AP2B1: variants seen among roughly 807,000 people sequenced by gnomAD.
The protein encoded by AP2B1 is AP-2 complex subunit beta.
AP2B1 carries 23 observed loss-of-function variants against 102.0 expected under a neutral mutation model. That is an observed-to-expected ratio of 0.23 (90% confidence interval 0.16 to 0.32). AP2B1 has a LOEUF of 0.32. Among genes scored for constraint, AP2B1 ranks in the 10% least tolerant of loss-of-function variants. AP2B1 has a pLI of 1.00. For synonymous variants in AP2B1, 381 were observed against 421.2 expected (o/e 0.90, Z 1.17); for missense variants, 541 against 1,157.4 (o/e 0.47, Z 7.73).
At chr17:35,598,761 A>G (rs2073377291) in intron 3 of AP2B1, among the ~76,000 whole-genome samples, 1 of 152,248 alleles carries the variant, frequency 6.6e-6, no homozygotes, top group Admixed American at 6.5e-5. Flanking sequence ...ATGAAAATCA[A>G]TGTTAACCAA....
At chr17:35,614,785 C>T (rs1365447110) in intron 5 of AP2B1, among the ~76,000 whole-genome samples, 1 of 151,864 alleles carries the variant, frequency 6.6e-6, no homozygotes, top group African/African-American at 2.4e-5. Context: ...AAACTTCCAG[C>T]TTCTTTTAAT....
intron 2 of AP2B1, among the ~76,000 whole-genome samples, chr17:35,595,477 G>A (rs1178768244): frequency 6.6e-6 from 1 of 152,096 alleles, no homozygotes; most frequent in Non-Finnish European, 1.5e-5. Context: ...AGTGCAGGAG[G>A]TTGAGGCTGC....
At chr17:35,627,230 T>A (rs1301667277) in intron 7 of AP2B1, among the ~76,000 whole-genome samples, 155 bp from the exon 8 acceptor site, 2 of 138,404 alleles carry the variant, frequency 1.4e-5, no homozygotes, top group African/African-American at 5.5e-5. Flanking sequence ...TAGAGGCGTA[T>A]AGAGGAAGTT....
chr17:35,654,618 GT>G (rs1325293064), intron 13 of AP2B1, among the ~76,000 whole-genome samples: 12 of 152,090 alleles, frequency 7.9e-5, no homozygotes, highest in Non-Finnish European at 1.5e-4. Context: ...AAATTACAAT[GT>G]TATCAAGCCT....
At chr17:35,648,400 C>G (rs2074995991) in intron 12 of AP2B1, among the ~76,000 whole-genome samples, 1 of 152,002 alleles carries the variant, frequency 6.6e-6, no homozygotes. Flanking sequence ...CCAATAATCC[C>G]AGCTACTTGG....
chr17:35,711,645 A>G (rs1555587575), intron 20 of AP2B1, among the ~76,000 whole-genome samples: 2 of 151,894 alleles, frequency 1.3e-5, no homozygotes, highest in African/African-American at 4.8e-5. Flanking sequence ...ATTTTTTTGT[A>G]TTTTTTTAAT....
intron 18 of AP2B1, among the ~76,000 whole-genome samples, chr17:35,696,829 A>G (rs1016013839): frequency 2.0e-5 from 3 of 152,196 alleles, no homozygotes; most frequent in African/African-American, 7.2e-5. Flanking sequence ...CTCTCCTACT[A>G]GAATGCAAAT....
intron 11 of AP2B1, 49 bp downstream of exon 11, chr17:35,639,809 G>A: frequency 6.5e-7 from 1 of 1,542,418 alleles, no homozygotes; most frequent in Non-Finnish European, 8.8e-7. Context: ...TGTCTTTGGG[G>A]AGATTTCAGA....
Position 35,627,525 on chromosome 17 carries a change from CAAGTT to C in AP2B1, c.1059+21_1059+25del. 1.9e-6 allele frequency: 3 copies of C among 1,613,890 alleles called. No homozygotes were observed. Among genetic ancestry groups the C allele is most frequent in the Non-Finnish European group, 2.5e-6 (3 of 1,179,908 alleles). On this transcript the variant is annotated intron_variant, in intron 8 of 21. Transcript: ENST00000610402. ...GCTCAGGTCAGACTTTATGCAGACT[CAAGTT>C]GATGATGATTTAGCTCTTAAGGTCT...
intron 5 of AP2B1, among the ~76,000 whole-genome samples, chr17:35,612,497 A>G (rs1235685767): frequency 2.0e-5 from 3 of 152,150 alleles, no homozygotes; most frequent in Non-Finnish European, 2.9e-5. Context: ...TGTATTCCCT[A>G]CTTATTACCT....
At chr17:35,688,820 C>G in intron 18 of AP2B1, among the ~76,000 whole-genome samples, 1 of 151,952 alleles carries the variant, frequency 6.6e-6, no homozygotes, top group Non-Finnish European at 1.5e-5. Flanking sequence ...AAAAATTAGC[C>G]AGGCATGGTG....
At chr17:35,703,514 A>T (rs587770963) in intron 18 of AP2B1, among the ~76,000 whole-genome samples, 10 of 152,282 alleles carry the variant, frequency 6.6e-5, no homozygotes, top group African/African-American at 2.4e-4. Flanking sequence ...AAAGAATGAG[A>T]TCATGTCCTT....
intron 17 of AP2B1, among the ~76,000 whole-genome samples, chr17:35,678,377 A>AT (rs2075746932): frequency 6.6e-6 from 1 of 151,832 alleles, no homozygotes; most frequent in Non-Finnish European, 1.5e-5. Context: ...TATGCCTTTT[A>AT]TTTTTTCTTC....
chr17:35,677,765 T>C (rs548600750), intron 17 of AP2B1, among the ~76,000 whole-genome samples: 1 of 152,298 alleles, frequency 6.6e-6, no homozygotes, highest in South Asian at 2.1e-4. Context: ...TTTAGGTCTT[T>C]AATTTCTTTT....
In AP2B1 at chr17:35,669,158, T is replaced by C. The variant is rs1024943515; in HGVS notation, c.1990-1699T>C. 8.3e-3 allele frequency among the ~76,000 whole-genome samples: 972 copies of C among 117,694 alleles called. 11 individuals carry two copies. Among genetic ancestry groups the C allele is most frequent in the African/African-American group, 0.03 (911 of 30,090 alleles). 77.2% of individuals were successfully genotyped at this position (117,694 alleles called of 152,430 possible). A position where few individuals can be genotyped will look rare whatever the true frequency, so the allele number is the denominator to read the frequency against. On this transcript the variant is annotated intron_variant, in intron 14 of 21. Transcript: ENST00000610402. Reference sequence around the variant, plus strand: ...TGGGGATGCCTTTTTTTTTTTTTTTTCCGAGATGGAGTCTTGCTCTTGTTG... The same window carrying C: ...TGGGGATGCCTTTTTTTTTTTTTTTCCCGAGATGGAGTCTTGCTCTTGTTG...
In AP2B1 at chr17:35,723,818, G is replaced by A; in HGVS notation, c.*119G>A. On this transcript the variant is annotated 3_prime_UTR_variant, in exon 22 of 22. Transcript: ENST00000610402. ...CACACTGAGGCCACCTAGCAAGGTAGTAACTAGTCTAACCTGTGCTAACAT... is the reference window on the plus strand; with the variant it reads ...CACACTGAGGCCACCTAGCAAGGTAATAACTAGTCTAACCTGTGCTAACAT... The A allele has an allele frequency of 1.4e-6, 1 of 724,910 alleles. No homozygotes were observed. Among genetic ancestry groups the A allele is most frequent in the South Asian group, 1.6e-5 (1 of 61,944 alleles). 44.9% of individuals were successfully genotyped at this position (724,910 alleles called of 1,614,324 possible).
chr17:35,705,934 A>C (rs1282635447), intron 18 of AP2B1, among the ~76,000 whole-genome samples: 3 of 152,148 alleles, frequency 2.0e-5, no homozygotes, highest in Non-Finnish European at 2.9e-5. Flanking sequence ...TATCCTCATA[A>C]CAACCCCATG....
chr17:35,708,564 A>G (rs2076389554), intron 18 of AP2B1, among the ~76,000 whole-genome samples: 1 of 152,140 alleles, frequency 6.6e-6, no homozygotes, highest in Non-Finnish European at 1.5e-5. Context: ...TTTTGTTCTT[A>G]TAGTCATCAG....
At chr17:35,684,347 C>T (rs1210879124) in intron 18 of AP2B1, among the ~76,000 whole-genome samples, 1 of 152,220 alleles carries the variant, frequency 6.6e-6, no homozygotes, top group Non-Finnish European at 1.5e-5. Flanking sequence ...CAGCTTTCCT[C>T]TTTCCAGTCA....
Sources: gnomAD v4.1 joint callset for allele counts (sites outside exome capture counted in the v4.1 genomes callset) on GRCh38, gnomAD v4.1.1 for gene constraint, MANE v1.5 for transcripts, NCBI Gene and HGNC (gene_info 2026-07-23, HGNC 2026-07-21) for gene names.